Variants in SCAPER observed in about 807,000 individuals in gnomAD.
The protein encoded by SCAPER is S phase cyclin A-associated protein in the endoplasmic reticulum.
Under a neutral mutation model 182.2 loss-of-function variants are expected in SCAPER, and 98 were observed. That is an observed-to-expected ratio of 0.54 (90% CI 0.46 to 0.64). SCAPER has a LOEUF of 0.64. Among genes scored for constraint, SCAPER ranks in the 30% least tolerant of loss-of-function variants. The pLI, the probability that SCAPER is intolerant of heterozygous loss-of-function variation, is 0.00. For missense variants in SCAPER, 1,432 were observed against 1,690.0 expected (o/e 0.85, Z 2.68); for synonymous variants, 605 against 564.6 (o/e 1.07, Z -1.01).
At chr15:76,623,773 A>AT in intron 21 of SCAPER, among the ~76,000 whole-genome samples, 1 of 152,298 alleles carries the variant, frequency 6.6e-6, no homozygotes. Flanking sequence ...GCTTTTCATA[A>AT]TTTTGTAAAA....
chr15:76,636,315 C>G (rs1326861093), intron 21 of SCAPER, among the ~76,000 whole-genome samples: 1 of 152,132 alleles, frequency 6.6e-6, no homozygotes, highest in Non-Finnish European at 1.5e-5. Flanking sequence ...AGCTTTACTT[C>G]TCTTTTGCTT....
intron 5 of SCAPER, among the ~76,000 whole-genome samples, chr15:76,831,038 G>T (rs2068427369): frequency 6.6e-6 from 1 of 152,162 alleles, no homozygotes; most frequent in Non-Finnish European, 1.5e-5. Context: ...GACCTCCACA[G>T]GCATTTGAGA....
intron 17 of SCAPER, among the ~76,000 whole-genome samples, chr15:76,719,580 G>C (rs1412378130): frequency 2.0e-5 from 3 of 152,132 alleles, no homozygotes; most frequent in African/African-American, 4.8e-5. Flanking sequence ...GGGTAACTAT[G>C]TGAGAAGATA....
At chr15:76,903,923 T>C (rs764799681) in intron 1 of SCAPER, among the ~76,000 whole-genome samples, 4 of 152,206 alleles carry the variant, frequency 2.6e-5, no homozygotes, top group Non-Finnish European at 4.4e-5. Context: ...GGGTTGGGGC[T>C]GAGATTCAAA....
chr15:76,854,681 C>T (rs907728032), intron 4 of SCAPER, among the ~76,000 whole-genome samples: 6 of 151,520 alleles, frequency 4.0e-5, no homozygotes, highest in African/African-American at 1.5e-4. Context: ...AAAACATGGC[C>T]GGGCACGGTA....
At position 76,603,873 on chromosome 15, in the gene SCAPER, G is replaced by A. The variant is rs188844182; in HGVS notation, c.2711+17891C>T. Among the ~76,000 whole-genome samples the A allele has an allele frequency of 2.7e-3, 323 of 121,362 alleles. 46 individuals are homozygous for A. The highest frequency in any genetic ancestry group is 7.2e-3 in the African/African-American group (286 of 39,768). 79.6% of individuals were successfully genotyped at this position (121,362 alleles called of 152,430 possible). On this transcript the variant is annotated intron_variant, in intron 22 of 31. Coordinates refer to ENST00000563290, the MANE Select transcript of SCAPER (RefSeq NM_020843.4). ...CATATCCTTTGCCCACTTTTTGATG[G>A]GGTTGTTTTTTTTCTTGTAAATTTG...
At chr15:76,550,359 G>T (rs1282617697) in intron 23 of SCAPER, among the ~76,000 whole-genome samples, 1 of 151,992 alleles carries the variant, frequency 6.6e-6, no homozygotes, top group Non-Finnish European at 1.5e-5. Context: ...CCCGACCCCT[G>T]ACAGGCTCCA....
chr15:76,891,564 T>C (rs916080491), intron 1 of SCAPER, among the ~76,000 whole-genome samples: 5 of 152,122 alleles, frequency 3.3e-5, no homozygotes, highest in Admixed American at 6.6e-5. Flanking sequence ...CCATTAACAA[T>C]TGCTACAAAC....
intron 22 of SCAPER, among the ~76,000 whole-genome samples, chr15:76,576,366 GA>G (rs997147911): frequency 1.3e-5 from 2 of 151,896 alleles, no homozygotes; most frequent in South Asian, 4.2e-4. Context: ...TCTCTAAAAA[GA>G]AAAAAACCCA....
At position 76,700,092 on chromosome 15, in the gene SCAPER, G is replaced by A. The variant is rs370967814; in HGVS notation, c.2508+1666C>T. Among the ~76,000 whole-genome samples the A allele has an allele frequency of 2.2e-4, 33 of 152,302 alleles. 1 individual carries two copies. In the East Asian group the frequency reaches 3.1e-3, roughly 14 times the overall value. On this transcript the variant is annotated intron_variant, in intron 20 of 31. Transcript: ENST00000563290. ...GCACCTCGTTTGGGCATCCAAGTCC[G>A]CACTGCAAGAAGGCATGGCCAGGCA...
intron 25 of SCAPER, among the ~76,000 whole-genome samples, chr15:76,454,499 T>G (rs2048585534): frequency 6.6e-6 from 1 of 152,246 alleles, no homozygotes; most frequent in Non-Finnish European, 1.5e-5. Flanking sequence ...ATTTTGTGTT[T>G]ATCATTCCCT....
chr15:76,364,348 G>A (rs1192843487), intron 29 of SCAPER, among the ~76,000 whole-genome samples: 4 of 152,132 alleles, frequency 2.6e-5, no homozygotes, highest in Non-Finnish European at 5.9e-5. Context: ...TGTCAAGGAC[G>A]AGGAGGGATG....
Position 76,354,651 on chromosome 15 carries a change from A to T in SCAPER, c.3856-511T>A, listed in dbSNP as rs1054823480. The T allele has an allele frequency of 5.9e-5, 9 of 152,288 alleles. No individual in the cohort carries two copies. The highest frequency in any genetic ancestry group is 2.2e-4 in the African/African-American group (9 of 41,446). The allele number at this position is 152,288 out of a possible 1,614,324, so 9.4% of individuals were successfully genotyped here. On this transcript the variant is annotated intron_variant, in intron 29 of 31. Coordinates refer to ENST00000563290, the MANE Select transcript of SCAPER (RefSeq NM_020843.4). This position sits in a 1 kb window ranked among gnomAD's most constrained non-coding sequence, Gnocchi z 4.4. ...AAAAGGTAATTCTAAGGAAAATGGG[A>T]ACAGTTTCAAAAAAAGTTATAGGCT...
At chr15:76,368,051 C>T (rs2041922538) in intron 29 of SCAPER, among the ~76,000 whole-genome samples, 1 of 152,136 alleles carries the variant, frequency 6.6e-6, no homozygotes, top group African/African-American at 2.4e-5. Flanking sequence ...GTATCTGTCA[C>T]ACAAAGAAAG....
chr15:76,858,972 C>A (rs1599145541), intron 3 of SCAPER, among the ~76,000 whole-genome samples: 1 of 152,204 alleles, frequency 6.6e-6, no homozygotes, highest in Non-Finnish European at 1.5e-5. Flanking sequence ...AATTTATATT[C>A]TTTGAGTATA....
intron 16 of SCAPER, among the ~76,000 whole-genome samples, chr15:76,731,302 G>C (rs1442032079): frequency 4.6e-5 from 7 of 152,142 alleles, no homozygotes; most frequent in Non-Finnish European, 1.0e-4. Flanking sequence ...GGATTCTGTA[G>C]CTCCTCTTTA....
chr15:76,453,518 A>G (rs2048517324), intron 25 of SCAPER, among the ~76,000 whole-genome samples: 1 of 152,218 alleles, frequency 6.6e-6, no homozygotes, highest in African/African-American at 2.4e-5. Flanking sequence ...TCATAATTAG[A>G]TTCAGATTAT....
At chr15:76,868,514 G>T (rs543265210) in intron 2 of SCAPER, among the ~76,000 whole-genome samples, 50 of 151,960 alleles carry the variant, frequency 3.3e-4, no homozygotes, top group Admixed American at 1.0e-3. Flanking sequence ...ATCCAAAAAA[G>T]AAAATCAAGA....
intron 27 of SCAPER, among the ~76,000 whole-genome samples, chr15:76,391,820 C>T (rs1032088716): frequency 3.9e-5 from 6 of 152,088 alleles, no homozygotes; most frequent in African/African-American, 1.4e-4. Flanking sequence ...ACCATGTATA[C>T]AAGGAAAGAG....
Sources: gnomAD v4.1 joint callset for allele counts (sites outside exome capture counted in the v4.1 genomes callset) on GRCh38, gnomAD v4.1.1 for gene constraint, Gnocchi (gnomAD v3.1) non-coding constraint, MANE v1.5 for transcripts, NCBI Gene and HGNC (gene_info 2026-07-23, HGNC 2026-07-21) for gene names.